The following MAP3K1 variants were observed in gnomAD, a reference collection of about 807,000 sequenced individuals.
The protein encoded by MAP3K1 is mitogen-activated protein kinase kinase kinase 1, also known as MAP/ERK kinase kinase 1.
In MAP3K1, 36 loss-of-function variants were observed where a neutral mutation model predicts 144.2. The observed-to-expected ratio is 0.25, with a 90% CI of 0.19 to 0.33. The LOEUF is 0.33. MAP3K1 is among the 10% of genes least tolerant of loss of function. The pLI, the probability that MAP3K1 is intolerant of heterozygous loss-of-function variation, is 1.00. For missense variants in MAP3K1, 1,650 were observed against 1,881.9 expected (o/e 0.88, Z 2.28); for synonymous variants, 718 against 688.7 (o/e 1.04, Z -0.67).
rs1260403778 is a variant in MAP3K1, at chr5:56,856,524, A to G, written c.483-76A>G. ...TCCGTTGGAAGTATAAAATAGAACC[A>G]TCCATTCTGTTTGTTCTTGGAAATT... On this transcript the variant is annotated intron_variant, in intron 1 of 19. Transcript: ENST00000399503. 1.6e-5 allele frequency: 20 copies of G among 1,251,530 alleles called. No individual in the cohort carries two copies. In the East Asian group the frequency reaches 2.2e-4, roughly 13 times the overall value. The allele number at this position is 1,251,530 out of a possible 1,614,324, so 77.5% of individuals were successfully genotyped here.
At chr5:56,831,042 C>T (rs1204035416) in intron 1 of MAP3K1, among the ~76,000 whole-genome samples, 1 of 152,028 alleles carries the variant, frequency 6.6e-6, no homozygotes, top group Admixed American at 6.5e-5. Context: ...AATTCATTCC[C>T]ATATGCTTAA....
chr5:56,855,289 A>T (rs550185492), intron 1 of MAP3K1, among the ~76,000 whole-genome samples: 56 of 152,272 alleles, frequency 3.7e-4, no homozygotes, highest in African/African-American at 1.2e-3. Flanking sequence ...TAAATTAGAT[A>T]ATCCTCCTTT....
chr5:56,875,620 GCTCCTTCCTCATC>G (rs1748000615), intron 10 of MAP3K1, among the ~76,000 whole-genome samples: 1 of 152,102 alleles, frequency 6.6e-6, no homozygotes, highest in Non-Finnish European at 1.5e-5. Context: ...GGCCAGTAAA[GCTCCTTCCTCATC>G]CTCCTTTTCC....
Position 56,859,826 on chromosome 5 carries a change from C to T in MAP3K1, c.745C>T (p.Arg249Cys), listed in dbSNP as rs200234617. The change falls in exon 3 of 20, where the codon CGC (arginine) becomes TGC (cysteine). Residue 249 changes from arginine (R) to cysteine (C), a missense_variant. By Grantham distance (180) the Arg-to-Cys change is radical (BLOSUM62 -3). Transcript: ENST00000399503. ...SAASPASKGR[R>C]SPSPGNSPSG... ...GGCTTCACCAGCTTCCAAAGGCCGACGCAGTCCTTCTCCTGGCAACTCCCC... is the reference window on the plus strand; with the variant it reads ...GGCTTCACCAGCTTCCAAAGGCCGATGCAGTCCTTCTCCTGGCAACTCCCC... 2.1e-5 allele frequency: 34 copies of T among 1,613,932 alleles called. No homozygotes were observed. The highest frequency in any genetic ancestry group is 9.3e-5 in the African/African-American group (7 of 75,042).
rs1748653627 is a variant in MAP3K1 at position 56,894,767 on chromosome 5, C to T, written c.*1087C>T. 6 of 232,010 alleles carry T rather than the reference C, an allele frequency of 2.6e-5. No homozygotes were observed. The South Asian group carries it at 1.1e-3, about 42-fold the overall frequency. 14.4% of individuals were successfully genotyped at this position (232,010 alleles called of 1,614,324 possible). ...TCTCTTTACAGTAGGCCTGGCAGAT[C>T]ATTTTTTAAAAAGATTATTCAACTA... On this transcript the variant is annotated 3_prime_UTR_variant, in exon 20 of 20. Coordinates refer to ENST00000399503, the MANE Select transcript of MAP3K1 (RefSeq NM_005921.2).
chr5:56,818,216 G>A (rs577429733), intron 1 of MAP3K1, among the ~76,000 whole-genome samples: 1 of 152,114 alleles, frequency 6.6e-6, no homozygotes, highest in Admixed American at 6.5e-5. Flanking sequence ...AAACTTTGTG[G>A]GGAAAGGGCT....
rs2111727207 is a variant in MAP3K1 at position 56,815,863 on chromosome 5, A to G, written c.290A>G (p.Asp97Gly). The change falls in exon 1 of 20, where the codon GAC (aspartate) becomes GGC (glycine). Residue 97 changes from aspartate (D) to glycine (G), a missense_variant. Around this residue, in one of 6 missense-constraint regions of MAP3K1, gnomAD observed 360 missense variants for 274.7 expected, o/e 1.31. Coordinates refer to ENST00000399503, the MANE Select transcript of MAP3K1 (RefSeq NM_005921.2). Reference sequence around the variant, plus strand: ...ACTTCCCCGTCGCCGGAGCCCGCGGACGCAGCGGGGAGTGGGACCGGCTTC... The same window carrying G: ...ACTTCCCCGTCGCCGGAGCCCGCGGGCGCAGCGGGGAGTGGGACCGGCTTC... ...SSTSPSPEPA[D>G]AAGSGTGFQP... is the part of the protein sequence containing the mutation. The G allele has an allele frequency of 7.2e-7, 1 of 1,397,496 alleles. No individual in the cohort carries two copies. Among genetic ancestry groups the G allele is most frequent in the South Asian group, 1.5e-5 (1 of 66,562 alleles). 86.6% of individuals were successfully genotyped at this position (1,397,496 alleles called of 1,614,324 possible).
chr5:56,841,578 A>T (rs1162004471), intron 1 of MAP3K1, among the ~76,000 whole-genome samples: 2 of 152,202 alleles, frequency 1.3e-5, no homozygotes, highest in Non-Finnish European at 2.9e-5. Context: ...ACTCAAAAAA[A>T]TTTTGGGAAG....
intron 1 of MAP3K1, among the ~76,000 whole-genome samples, chr5:56,817,825 A>T (rs770811052): frequency 1.3e-5 from 2 of 152,250 alleles, no homozygotes; most frequent in African/African-American, 2.4e-5. Flanking sequence ...TGAATATAGT[A>T]GAAGAGCATC....
rs1429738022 is a variant in MAP3K1, at chr5:56,895,435, G to T, written c.*1755G>T. 14 of 227,172 alleles carry T rather than the reference G, an allele frequency of 6.2e-5. No homozygotes were observed. Among genetic ancestry groups the T allele is most frequent in the African/African-American group, 2.5e-4 (11 of 43,734 alleles). 14.1% of individuals were successfully genotyped at this position (227,172 alleles called of 1,614,324 possible). A position where few individuals can be genotyped will look rare whatever the true frequency, so the allele number is the denominator to read the frequency against. ...AAGATTGTTTCCAAGTCTCTCATGT[G>T]CAAGCTTTAAAGGATGCACTCTTGC... is the stretch of plus-strand genomic sequence containing the variant. On this transcript the variant is annotated 3_prime_UTR_variant, in exon 20 of 20. Coordinates refer to ENST00000399503, the MANE Select transcript of MAP3K1 (RefSeq NM_005921.2).
chr5:56,821,840 TC>T (rs1185371682), intron 1 of MAP3K1, among the ~76,000 whole-genome samples: 1 of 152,220 alleles, frequency 6.6e-6, no homozygotes, highest in Non-Finnish European at 1.5e-5. Context: ...TAGACTAGTG[TC>T]TGGCACCCAT....
intron 10 of MAP3K1, 111 bp downstream of exon 10, chr5:56,875,421 C>G (rs1229493362): frequency 8.8e-7 from 1 of 1,135,498 alleles, no homozygotes; most frequent in East Asian, 2.5e-5. Context: ...TTTGGAAAAT[C>G]CAAATTTTAT....
At chr5:56,847,564 C>G (rs1188843035) in intron 1 of MAP3K1, among the ~76,000 whole-genome samples, 1 of 152,208 alleles carries the variant, frequency 6.6e-6, no homozygotes, top group African/African-American at 2.4e-5. Context: ...CCACTGTACT[C>G]CAGCCTGGGT....
intron 1 of MAP3K1, among the ~76,000 whole-genome samples, chr5:56,844,188 T>TTG (rs1746909454): frequency 1.5e-5 from 2 of 130,300 alleles, no homozygotes; most frequent in Non-Finnish European, 1.7e-5. Context: ...TTTTGGTTTT[T>TTG]TTTTTTTTTT....
intron 18 of MAP3K1, 101 bp from the exon 19 acceptor site, chr5:56,888,125 C>T (rs754496436): frequency 7.6e-6 from 8 of 1,048,614 alleles, no homozygotes; most frequent in Non-Finnish European, 1.2e-5. Flanking sequence ...CTGTTTGTAC[C>T]AGTTTTCTCC....
chr5:56,880,693 CT>C lies in MAP3K1; in HGVS notation c.2088-14del. ...TAGCCAAGATCCAGGATTGATGTTG[CT>C]TTTCCTTTGTTTTTAGCCGCACAAG... On this transcript the variant is annotated splice_polypyrimidine_tract_variant and intron_variant, in intron 11 of 19. Coordinates refer to ENST00000399503, the MANE Select transcript of MAP3K1 (RefSeq NM_005921.2). The C allele has an allele frequency of 6.3e-7, 1 of 1,588,066 alleles. No individual in the cohort carries two copies. Among genetic ancestry groups the C allele is most frequent in the African/African-American group, 1.3e-5 (1 of 74,468 alleles).
chr5:56,844,395 G>A (rs996400593), intron 1 of MAP3K1, among the ~76,000 whole-genome samples: 3 of 151,702 alleles, frequency 2.0e-5, no homozygotes, highest in Admixed American at 6.6e-5. Flanking sequence ...TAGCCAGGAT[G>A]GTCTCGATCT....
chr5:56,860,009 A>G, intron 3 of MAP3K1, 94 bp downstream of exon 3: 1 of 1,139,506 alleles, frequency 8.8e-7, no homozygotes, highest in Non-Finnish European at 1.3e-6. Context: ...TTAGAACATC[A>G]GTTTTCAAAA....
chr5:56,879,595 C>T (rs556273104), intron 11 of MAP3K1, among the ~76,000 whole-genome samples: 1 of 152,166 alleles, frequency 6.6e-6, no homozygotes, highest in East Asian at 1.9e-4. Context: ...TATATTCCTG[C>T]AATATCCTTA....
Sources: allele counts gnomAD v4.1 joint callset (sites outside exome capture counted in the v4.1 genomes callset), GRCh38; gene constraint gnomAD v4.1.1; regional missense constraint gnomAD v4.1.1; transcripts MANE v1.5; gene names NCBI Gene and HGNC (gene_info 2026-07-23, HGNC 2026-07-21).